SLC24A2: variants seen among roughly 807,000 people sequenced by gnomAD.
SLC24A2 encodes solute carrier family 24 member 2.
In SLC24A2, 36 loss-of-function variants were observed where a neutral mutation model predicts 62.0. The ratio of observed to expected loss-of-function variants is 0.58; its 90% CI spans 0.44 to 0.77. The LOEUF is 0.77. Among genes scored for constraint, SLC24A2 ranks in the 30% least tolerant of loss-of-function variants. The probability of loss-of-function intolerance (pLI) is 0.00; values close to 1 mark genes in which losing one functional copy is unlikely to be tolerated. For missense variants in SLC24A2, 846 were observed against 817.9 expected, an observed-to-expected ratio of 1.03 and a Z score of -0.42; for synonymous variants, 358 against 294.0, an observed-to-expected ratio of 1.22 and a Z score of -2.23.
chr9:19,838,038 T>C, the SLC24A2 span, among the ~76,000 whole-genome samples: 1 of 150,372 alleles, frequency 6.7e-6, no homozygotes, highest in African/African-American at 2.4e-5. Flanking sequence ...AAGCTACCAA[T>C]GCCTTTCTTC....
chr9:19,549,694 T>C (rs1349883270), intron 8 of SLC24A2, among the ~76,000 whole-genome samples: 1 of 152,172 alleles, frequency 6.6e-6, no homozygotes, highest in Non-Finnish European at 1.5e-5. Flanking sequence ...CTCCAGATGA[T>C]GGTAGCCCCA....
the SLC24A2 span, among the ~76,000 whole-genome samples, chr9:20,084,849 T>C: frequency 1.3e-5 from 2 of 152,314 alleles, no homozygotes; most frequent in South Asian, 4.1e-4. Flanking sequence ...AATTCTTCTT[T>C]TCAGGAATCT....
At chr9:19,990,401 A>G in the SLC24A2 span, among the ~76,000 whole-genome samples, 77,065 of 151,680 alleles carry the variant, frequency 0.51, 20,293 homozygotes, top group Non-Finnish European at 0.56. Context: ...CACGAGGTCA[A>G]GAGTTCGAGA....
At chr9:19,945,300 G>A in the SLC24A2 span, among the ~76,000 whole-genome samples, 2 of 152,070 alleles carry the variant, frequency 1.3e-5, no homozygotes, top group Admixed American at 6.6e-5. Context: ...AGCAGGGAAG[G>A]GGAGGGGAAA....
the SLC24A2 span, among the ~76,000 whole-genome samples, chr9:19,888,558 T>G: frequency 6.6e-6 from 1 of 152,194 alleles, no homozygotes; most frequent in African/African-American, 2.4e-5. Context: ...GATTCTGCAG[T>G]GTTTCATTAA....
At chr9:19,655,004 C>G (rs1159492666) in intron 2 of SLC24A2, among the ~76,000 whole-genome samples, 1 of 152,172 alleles carries the variant, frequency 6.6e-6, no homozygotes, top group Non-Finnish European at 1.5e-5. Context: ...AGCCTGTAAC[C>G]TACTTATCAC....
At chr9:20,280,571 G>C in the SLC24A2 span, among the ~76,000 whole-genome samples, 1 of 152,166 alleles carries the variant, frequency 6.6e-6, no homozygotes, top group Admixed American at 6.5e-5. Context: ...TCTGGTACTG[G>C]AGCCACATCA....
the SLC24A2 span, among the ~76,000 whole-genome samples, chr9:20,060,369 T>A: frequency 2.4e-3 from 369 of 152,166 alleles, 2 homozygotes; most frequent in Admixed American, 4.8e-3. Context: ...TATAGTTCAA[T>A]ATTCCTCATA....
At chr9:20,146,940 G>A in the SLC24A2 span, among the ~76,000 whole-genome samples, 3 of 152,114 alleles carry the variant, frequency 2.0e-5, no homozygotes, top group South Asian at 4.2e-4. Flanking sequence ...CATCAGTACT[G>A]CCCTCAGCTG....
At chr9:19,584,119 C>A (rs1185207801) in intron 5 of SLC24A2, among the ~76,000 whole-genome samples, 4 of 152,062 alleles carry the variant, frequency 2.6e-5, no homozygotes, top group Non-Finnish European at 5.9e-5. Flanking sequence ...CCTCTGCCAT[C>A]TTTAGTATCC....
the SLC24A2 span, among the ~76,000 whole-genome samples, chr9:20,230,899 T>C: frequency 1.7e-4 from 26 of 152,218 alleles, 1 homozygote. Context: ...CCATCTTCAA[T>C]TAATTTTTGC....
chr9:20,015,510 T>C, the SLC24A2 span, among the ~76,000 whole-genome samples: 1 of 152,256 alleles, frequency 6.6e-6, no homozygotes, highest in African/African-American at 2.4e-5. Context: ...ATATGTCTGC[T>C]GCTTCACTTC....
chr9:19,792,895 T>G (rs988872171), upstream of SLC24A2, among the ~76,000 whole-genome samples: 4 of 152,204 alleles, frequency 2.6e-5, no homozygotes, highest in Admixed American at 6.5e-5. Context: ...TCAGCACACT[T>G]ATGAAGTATT....
the SLC24A2 span, among the ~76,000 whole-genome samples, chr9:20,281,715 A>G: frequency 6.6e-6 from 1 of 152,202 alleles, no homozygotes; most frequent in Non-Finnish European, 1.5e-5. Context: ...AGATCCATTC[A>G]TTCTACTAAT....
the SLC24A2 span, among the ~76,000 whole-genome samples, chr9:19,965,518 G>A: frequency 6.6e-6 from 1 of 152,214 alleles, no homozygotes; most frequent in Non-Finnish European, 1.5e-5. Flanking sequence ...TATGCGTGGT[G>A]TGTGTGATGC....
At chr9:19,751,496 T>C (rs931302413) in intron 2 of SLC24A2, among the ~76,000 whole-genome samples, 4 of 152,260 alleles carry the variant, frequency 2.6e-5, no homozygotes, top group Middle Eastern at 3.4e-3. Flanking sequence ...GAGGATCCTA[T>C]TAAACTTTCC....
the SLC24A2 span, among the ~76,000 whole-genome samples, chr9:19,826,489 A>G: frequency 6.6e-6 from 1 of 152,176 alleles, no homozygotes; most frequent in East Asian, 1.9e-4. Context: ...TAATTTATAA[A>G]CAACAGAAAT....
At chr9:20,245,183 G>C in the SLC24A2 span, among the ~76,000 whole-genome samples, 2,524 of 152,312 alleles carry the variant, frequency 0.017, 75 homozygotes, top group African/African-American at 0.058. Context: ...TTGATATCTA[G>C]TGGGAGGAGA....
the SLC24A2 span, among the ~76,000 whole-genome samples, chr9:20,164,234 C>T: frequency 6.6e-6 from 1 of 152,014 alleles, no homozygotes; most frequent in African/African-American, 2.4e-5. Context: ...ACCTACTCAT[C>T]TGACAAAGGG....
Sources: gnomAD v4.1 joint callset for allele counts (sites outside exome capture counted in the v4.1 genomes callset) on GRCh38, gnomAD v4.1.1 for gene constraint, MANE v1.5 for transcripts, NCBI Gene and HGNC (gene_info 2026-07-23, HGNC 2026-07-21) for gene names.